Variants in ASPG observed in about 807,000 individuals in gnomAD.
The protein encoded by ASPG is 60 kDa lysophospholipase.
Under a neutral mutation model 63.2 loss-of-function variants are expected in ASPG, and 53 were observed. That is an observed-to-expected ratio of 0.84 (90% confidence interval 0.67 to 1.05). ASPG has a LOEUF of 1.05. Among genes scored for constraint, ASPG ranks in the 50% least tolerant of loss-of-function variants. The pLI is 0.00. For missense variants in ASPG, 741 were observed against 794.4 expected, an observed-to-expected ratio of 0.93 and a Z score of 0.81; for synonymous variants, 370 against 355.0, an observed-to-expected ratio of 1.04 and a Z score of -0.48.
Position 104,111,613 on chromosome 14 carries a change from C to T in ASPG, c.1620+12C>T, listed in dbSNP as rs1229847192. Reference sequence around the variant, plus strand: ...GCGCCCTGCACGTCGTGAGTGCCCCCACCCCCTGCACCCTCTCCAAAGGCT... The same window carrying T: ...GCGCCCTGCACGTCGTGAGTGCCCCTACCCCCTGCACCCTCTCCAAAGGCT... On this transcript the variant is annotated intron_variant, in intron 14 of 15. Transcript: ENST00000551177. The T allele has an allele frequency of 1.3e-6, 2 of 1,545,566 alleles. No homozygotes were observed. Among genetic ancestry groups the T allele is most frequent in the East Asian group, 2.4e-5 (1 of 40,892 alleles).
chr14:104,106,924 C>T (rs2037156579), intron 11 of ASPG, 30 bp downstream of exon 11: 1 of 1,542,916 alleles, frequency 6.5e-7, no homozygotes, highest in Non-Finnish European at 8.7e-7. Flanking sequence ...GGGGCCCAGC[C>T]CCAGCCACGC....
intron 15 of ASPG, 132 bp from the exon 16 acceptor site, chr14:104,112,392 C>T (rs917341986): frequency 5.6e-5 from 39 of 700,946 alleles, no homozygotes; most frequent in African/African-American, 1.8e-4. Flanking sequence ...TTGTGTGGCC[C>T]TCCCATAGTC....
chr14:104,092,019 G>A (rs2140981556), intron 1 of ASPG, among the ~76,000 whole-genome samples: 1 of 152,202 alleles, frequency 6.6e-6, no homozygotes. Context: ...TGCACTTGCT[G>A]TGTGCTAGGC....
rs564077179 is a variant in ASPG at position 104,097,542 on chromosome 14, C to T, written c.430-12C>T. ...TTCCCAGGCCTCAGCTACTCCGTGGCCTCTCCCCCAGGTGCCCATCCATGC... is the reference window on the plus strand; with the variant it reads ...TTCCCAGGCCTCAGCTACTCCGTGGTCTCTCCCCCAGGTGCCCATCCATGC... On this transcript the variant is annotated splice_polypyrimidine_tract_variant and intron_variant, in intron 4 of 15. Transcript: ENST00000551177. The T allele has an allele frequency of 6.8e-5, 106 of 1,550,576 alleles. No individual in the cohort carries two copies. The East Asian group carries it at 2.5e-3, about 37-fold the overall frequency.
rs74334938 is a variant in ASPG at position 104,112,144 on chromosome 14, C to T, written c.1701+144C>T. The T allele has an allele frequency of 3.7e-3, 2,783 of 752,318 alleles. 61 individuals carry two copies. The African/African-American group carries it at 0.044, about 12-fold the overall frequency. The allele number at this position is 752,318 out of a possible 1,614,324, so 46.6% of individuals were successfully genotyped here. A position where few individuals can be genotyped will look rare whatever the true frequency, so the allele number is the denominator to read the frequency against. On this transcript the variant is annotated intron_variant, in intron 15 of 15. Coordinates refer to ENST00000551177, the MANE Select transcript of ASPG (RefSeq NM_001080464.3). ...CCAGCCAGTTTAGGGTCTGCAGAGC[C>T]CCTCCTGGGGATGTCCAGGGTGGAA... is the stretch of plus-strand genomic sequence containing the variant.
chr14:104,102,367 G>A (rs540923878), intron 6 of ASPG, among the ~76,000 whole-genome samples: 2 of 152,202 alleles, frequency 1.3e-5, no homozygotes, highest in Admixed American at 1.3e-4. Context: ...CTGCTCTAGC[G>A]GAAGCGGCCG....
At chr14:104,086,426 C>G (rs1004406713) in intron 1 of ASPG, among the ~76,000 whole-genome samples, 1 of 152,200 alleles carries the variant, frequency 6.6e-6, no homozygotes, top group Non-Finnish European at 1.5e-5. Flanking sequence ...ACCTGGTTGA[C>G]CAGAGACCAG....
At chr14:104,094,567 C>T (rs1205070551) in intron 3 of ASPG, among the ~76,000 whole-genome samples, 1 of 152,296 alleles carries the variant, frequency 6.6e-6, no homozygotes, top group East Asian at 1.9e-4. Flanking sequence ...CAATTCTCAC[C>T]TGCTTCCCTT....
Position 104,112,012 on chromosome 14 carries a change from C to G in ASPG, c.1701+12C>G. On this transcript the variant is annotated intron_variant, in intron 15 of 15. Coordinates refer to ENST00000551177, the MANE Select transcript of ASPG (RefSeq NM_001080464.3). ...AGGCCCCATGCCCAGTAAGTCCCCA[C>G]CCCAGGCGGGGCTGACACCCCCCAG... The G allele has an allele frequency of 6.4e-7, 1 of 1,550,538 alleles. No individual in the cohort carries two copies.
intron 5 of ASPG, among the ~76,000 whole-genome samples, chr14:104,098,112 G>A (rs4018038): frequency 0.015 from 446 of 29,086 alleles, 85 homozygotes; most frequent in African/African-American, 0.045. Context: ...CGTTAGAGAT[G>A]CGTATGGAGG....
In ASPG at chr14:104,095,517, CG is replaced by C; in HGVS notation, c.304-13del. 6.2e-7 allele frequency: 1 copy of C among 1,612,220 alleles called. No homozygotes were observed. The highest frequency in any genetic ancestry group is 1.1e-5 in the South Asian group (1 of 91,064). On this transcript the variant is annotated splice_polypyrimidine_tract_variant and intron_variant, in intron 3 of 15. Coordinates refer to ENST00000551177, the MANE Select transcript of ASPG (RefSeq NM_001080464.3). ...CGAGGGGCTGGCCTGCCTGAGCATG[CG>C]CCCCTCCTGCAGAGGCACTACGAGC...
intron 6 of ASPG, among the ~76,000 whole-genome samples, chr14:104,099,798 G>A (rs1327996457): frequency 3.9e-5 from 6 of 152,244 alleles, no homozygotes; most frequent in African/African-American, 1.4e-4. Context: ...CCTGCCCTGT[G>A]TCTCATCCTG....
At chr14:104,104,561 C>A in intron 8 of ASPG, 61 bp from the exon 9 acceptor site, 1 of 1,586,588 alleles carries the variant, frequency 6.3e-7, no homozygotes, top group South Asian at 1.1e-5. Context: ...TCTGACCCAC[C>A]CCTCATGGGC....
intron 9 of ASPG, chr14:104,105,005 C>T (rs1201249495): frequency 9.4e-5 from 54 of 574,286 alleles, no homozygotes; most frequent in South Asian, 8.9e-5. Flanking sequence ...CCCTAACTGT[C>T]GCCAGGAAAT....
chr14:104,098,404 A>G (rs1415438181), intron 5 of ASPG, among the ~76,000 whole-genome samples: 1 of 152,196 alleles, frequency 6.6e-6, no homozygotes, highest in Non-Finnish European at 1.5e-5. Flanking sequence ...GCTCTTGAGC[A>G]GCTTGACTAG....
In ASPG at chr14:104,095,546, T is replaced by G; in HGVS notation, c.319T>G (p.Tyr107Asp). ...CCTCCTGCAGAGGCACTACGAGCAG[T>G]ACCACGGCTTTGTGGTCATCCACGG... ...AQTIKRHYEQ[Y>D]HGFVVIHGTD... The change falls in exon 4 of 16, where the codon TAC becomes GAC. Residue 107 changes from tyrosine to aspartate, a missense_variant. Transcript: ENST00000551177. 4 of 1,613,086 alleles carry G rather than the reference T, an allele frequency of 2.5e-6. No homozygotes were observed. The highest frequency in any genetic ancestry group is 3.4e-6 in the Non-Finnish European group (4 of 1,179,802).
Position 104,110,896 on chromosome 14 carries a change from C to T in ASPG, c.1521-606C>T, listed in dbSNP as rs1399589247. ...AGCTGGTGAGGGCCTGGCAGGTGCT[C>T]CCCACTCCAGGGCAGGTGGGCCCAG... is the stretch of plus-strand genomic sequence containing the variant. On this transcript the variant is annotated intron_variant, in intron 13 of 15. Transcript: ENST00000551177. The surrounding 1 kb of genome is among the most constrained non-coding windows in gnomAD (Gnocchi z 4.7). 6.1e-6 allele frequency: 6 copies of T among 985,252 alleles called. No individual in the cohort carries two copies. Among genetic ancestry groups the T allele is most frequent in the Non-Finnish European group, 7.2e-6 (6 of 829,902 alleles). The allele number at this position is 985,252 out of a possible 1,614,324, so 61.0% of individuals were successfully genotyped here.
At chr14:104,096,180 A>G (rs186306879) in intron 4 of ASPG, among the ~76,000 whole-genome samples, 2 of 152,340 alleles carry the variant, frequency 1.3e-5, no homozygotes, top group Non-Finnish European at 2.9e-5. Context: ...CAAGGCCAGT[A>G]GAGTGTTCTG....
chr14:104,104,456 G>T lies in ASPG; in HGVS notation c.906G>T (p.Gly302=). The change falls in exon 8 of 16, where the codon GGG becomes GGT. Residue 302 remains glycine (G), a synonymous_variant. Coordinates refer to ENST00000551177, the MANE Select transcript of ASPG (RefSeq NM_001080464.3). ...VIVNCTHCLQ[G]AVTTDYAAGM... ...TCAACTGTACCCACTGCCTCCAGGG[G>T]GCTGTGACCACAGACTATGCAGCTG... is the stretch of plus-strand genomic sequence containing the variant. 7 of 1,612,534 alleles carry T rather than the reference G, an allele frequency of 4.3e-6. No individual in the cohort carries two copies. The highest frequency in any genetic ancestry group is 5.9e-6 in the Non-Finnish European group (7 of 1,179,780).
Sources: allele counts gnomAD v4.1 joint callset (sites outside exome capture counted in the v4.1 genomes callset), GRCh38; gene constraint gnomAD v4.1.1; non-coding constraint Gnocchi (gnomAD v3.1); transcripts MANE v1.5; gene names NCBI Gene and HGNC (gene_info 2026-07-23, HGNC 2026-07-21).